The following CYTIP variants were observed in gnomAD, a reference collection of about 807,000 sequenced individuals.
CYTIP encodes cytohesin-interacting protein.
CYTIP carries 26 observed loss-of-function variants against 43.8 expected under a neutral mutation model. The ratio of observed to expected loss-of-function variants is 0.59; its 90% CI spans 0.44 to 0.82. The LOEUF (loss-of-function observed/expected upper bound fraction) is 0.82. CYTIP is among the 40% of genes least tolerant of loss of function. The pLI, the probability that CYTIP is intolerant of heterozygous loss-of-function variation, is 0.00. For synonymous variants in CYTIP, 162 were observed against 162.9 expected (o/e 0.99, Z 0.04); for missense variants, 426 against 443.1 (o/e 0.96, Z 0.35).
chr2:157,439,014 C>T (rs1178149354), intron 1 of CYTIP: 2 of 329,478 alleles, frequency 6.1e-6, no homozygotes, highest in East Asian at 9.4e-5. Context: ...AGACCTGAAG[C>T]CTCTATAGAT....
intron 7 of CYTIP, among the ~76,000 whole-genome samples, chr2:157,417,124 C>G (rs1685449745): frequency 6.6e-6 from 1 of 152,218 alleles, no homozygotes; most frequent in Non-Finnish European, 1.5e-5. Flanking sequence ...TCCACTGCTG[C>G]TGTCTTTTGT....
chr2:157,441,869 A>C (rs1052917408), intron 1 of CYTIP, among the ~76,000 whole-genome samples: 3 of 152,096 alleles, frequency 2.0e-5, no homozygotes, highest in Non-Finnish European at 2.9e-5. Flanking sequence ...GTCTCTACTC[A>C]CTAATCCACT....
At chr2:157,434,898 C>CACACA (rs1685788416) in intron 1 of CYTIP, 151 bp from the exon 2 acceptor site, 2 of 388,002 alleles carry the variant, frequency 5.2e-6, no homozygotes, top group East Asian at 4.3e-5. Flanking sequence ...CACACACACA[C>CACACA]AACCTGTTCT....
chr2:157,442,163 T>A (rs947492531), intron 1 of CYTIP, among the ~76,000 whole-genome samples: 3 of 152,224 alleles, frequency 2.0e-5, no homozygotes, highest in African/African-American at 2.4e-5. Flanking sequence ...ATCTCGAATA[T>A]CTATTTCCAA....
chr2:157,438,903 C>A (rs1398677629), intron 1 of CYTIP: 2 of 382,096 alleles, frequency 5.2e-6, no homozygotes, highest in East Asian at 7.9e-5. Context: ...TGCCGGAAAT[C>A]AGTGCATCTA....
chr2:157,437,693 C>G (rs1685834004), intron 1 of CYTIP, among the ~76,000 whole-genome samples: 1 of 77,846 alleles, frequency 1.3e-5, no homozygotes, highest in Non-Finnish European at 2.4e-5. Context: ...AGTGAGACTC[C>G]ATCTCAAAAA....
rs79299471 is a variant in CYTIP, at chr2:157,421,165, T to C, written c.547-2576A>G. Among the ~76,000 whole-genome samples the C allele has an allele frequency of 1.1e-3, 160 of 152,332 alleles. 1 individual carries two copies. In the East Asian group the frequency reaches 0.029, roughly 27 times the overall value. On this transcript the variant is annotated intron_variant, in intron 6 of 7. Transcript: ENST00000264192. ...CTGCCTGTGTTACTGACATCACAAT[T>C]GTTTATTTAGACATATCTGAGCTCT...
chr2:157,434,940 A>G (rs192425056), intron 1 of CYTIP, among the ~76,000 whole-genome samples, 193 bp from the exon 2 acceptor site: 23 of 148,654 alleles, frequency 1.5e-4, no homozygotes, highest in Admixed American at 4.1e-4. Flanking sequence ...CTCCTGGGAA[A>G]TTGTTGCATA....
At chr2:157,418,104 C>G (rs1685465160) in intron 7 of CYTIP, among the ~76,000 whole-genome samples, 1 of 152,178 alleles carries the variant, frequency 6.6e-6, no homozygotes, top group African/African-American at 2.4e-5. Context: ...GCAATTTAAA[C>G]AAAAGACAGG....
At position 157,442,838 on chromosome 2, in the gene CYTIP, A is replaced by G. The variant is rs16841795; in HGVS notation, c.174+1009T>C. On this transcript the variant is annotated intron_variant, in intron 1 of 7. Transcript: ENST00000264192. The stretch of plus-strand genomic sequence containing the variant: ...TCCTGAATTTAGAAGGCTTACGAGA[A>G]GCACATGATTGTACATGCAAGACTT... 4.6e-3 allele frequency among the ~76,000 whole-genome samples: 707 copies of G among 152,336 alleles called. 5 individuals carry two copies. Among genetic ancestry groups the G allele is most frequent in the African/African-American group, 0.016 (663 of 41,582 alleles).
At chr2:157,419,418 C>A (rs1220916299) in intron 6 of CYTIP, among the ~76,000 whole-genome samples, 1 of 152,212 alleles carries the variant, frequency 6.6e-6, no homozygotes, top group Non-Finnish European at 1.5e-5. Flanking sequence ...CTTGGCTGCC[C>A]CAGCACACGA....
chr2:157,435,527 C>T (rs1243058752), intron 1 of CYTIP, among the ~76,000 whole-genome samples: 3 of 152,120 alleles, frequency 2.0e-5, no homozygotes, highest in Non-Finnish European at 4.4e-5. Context: ...TAAACATAAG[C>T]TTTCAGGACA....
intron 3 of CYTIP, among the ~76,000 whole-genome samples, chr2:157,431,505 T>C (rs1685713990): frequency 6.6e-6 from 1 of 152,214 alleles, no homozygotes; most frequent in African/African-American, 2.4e-5. Context: ...CCCTCTGGTA[T>C]GCCTGTCCTG....
intron 1 of CYTIP, among the ~76,000 whole-genome samples, chr2:157,437,008 T>C (rs1361460978): frequency 1.3e-5 from 2 of 152,152 alleles, no homozygotes; most frequent in Non-Finnish European, 2.9e-5. Context: ...TATATCCATA[T>C]GCAGAAGAAA....
At chr2:157,433,004 T>G (rs1685736943) in intron 3 of CYTIP, among the ~76,000 whole-genome samples, 1 of 152,158 alleles carries the variant, frequency 6.6e-6, no homozygotes, top group Non-Finnish European at 1.5e-5. Context: ...CTGACATAGT[T>G]TTGACTCTTG....
At chr2:157,419,747 T>G (rs1050140658) in intron 6 of CYTIP, among the ~76,000 whole-genome samples, 1 of 151,838 alleles carries the variant, frequency 6.6e-6, no homozygotes, top group Admixed American at 6.6e-5. Flanking sequence ...CTGCAAGGAG[T>G]AGATGAAGGC....
intron 3 of CYTIP, among the ~76,000 whole-genome samples, chr2:157,431,606 G>T (rs1304563928): frequency 1.3e-5 from 2 of 152,158 alleles, no homozygotes; most frequent in Non-Finnish European, 2.9e-5. Context: ...TTTGGTGGTG[G>T]TGGGTTTTTT....
In CYTIP at chr2:157,415,734, GA is replaced by G. The variant is rs758531155; in HGVS notation, c.1022del (p.Leu341ProfsTer2). The G allele has an allele frequency of 1.2e-6, 2 of 1,614,060 alleles. No individual in the cohort carries two copies. The highest frequency in any genetic ancestry group is 1.7e-6 in the Non-Finnish European group (2 of 1,179,946). On this transcript the variant is annotated frameshift_variant, in exon 8 of 8. Transcript: ENST00000264192. LOFTEE classifies it high-confidence loss of function. ...KSRKGSVRKQ[L>X]LKFIPGLHRA... ...GATGAAGGCCAGGGATAAATTTCAA[GA>G]GTTGCTTTCGGACACTTCCCTTTCT...
intron 6 of CYTIP, among the ~76,000 whole-genome samples, chr2:157,422,743 A>G (rs1385582525): frequency 6.6e-6 from 1 of 152,008 alleles, no homozygotes; most frequent in Non-Finnish European, 1.5e-5. Context: ...TCTGAGAGAT[A>G]TAATCCTCTG....
Sources: gnomAD v4.1 joint callset for allele counts (sites outside exome capture counted in the v4.1 genomes callset) on GRCh38, gnomAD v4.1.1 for gene constraint, MANE v1.5 for transcripts, NCBI Gene and HGNC (gene_info 2026-07-23, HGNC 2026-07-21) for gene names.